Variants in CFAP20DC observed in about 807,000 individuals in gnomAD.
The protein encoded by CFAP20DC is protein CFAP20DC.
In CFAP20DC, 84 loss-of-function variants were observed where a neutral mutation model predicts 101.7. The observed-to-expected ratio is 0.83, with a 90% CI of 0.69 to 0.99. The LOEUF is 0.99. Among genes scored for constraint, CFAP20DC ranks in the 50% least tolerant of loss-of-function variants. CFAP20DC has a pLI of 0.00. For missense variants in CFAP20DC, 1,007 were observed against 970.3 expected (o/e 1.04, Z -0.50); for synonymous variants, 359 against 351.2 (o/e 1.02, Z -0.25).
At chr3:58,771,866 C>A (rs939079466) in intron 15 of CFAP20DC, among the ~76,000 whole-genome samples, 1 of 152,184 alleles carries the variant, frequency 6.6e-6, no homozygotes, top group Non-Finnish European at 1.5e-5. Flanking sequence ...TATCTCTCAT[C>A]GTTATAATGG....
At chr3:59,023,916 G>A (rs6787445) in intron 4 of CFAP20DC, among the ~76,000 whole-genome samples, 148,643 of 152,150 alleles carry the variant, frequency 0.98, 72,690 homozygotes, top group East Asian at 1. Context: ...CTCTATTTAC[G>A]TAAAACATAT....
Position 58,742,289 on chromosome 3 carries a change from G to C in CFAP20DC, c.*171C>G. On this transcript the variant is annotated 3_prime_UTR_variant, in exon 17 of 17. Transcript: ENST00000482387. ...TCAAAATCATACTCATCTACAAAAG[G>C]AATATAGGTATTCTTAACGTTGAAC... 1 of 1,207,382 alleles carries C rather than the reference G, an allele frequency of 8.3e-7. No homozygotes were observed. The highest frequency in any genetic ancestry group is 1.0e-6 in the Non-Finnish European group (1 of 967,642). The allele number at this position is 1,207,382 out of a possible 1,614,324, so 74.8% of individuals were successfully genotyped here.
chr3:59,040,594 C>G (rs1235923754), intron 3 of CFAP20DC, among the ~76,000 whole-genome samples: 1 of 150,928 alleles, frequency 6.6e-6, no homozygotes, highest in Non-Finnish European at 1.5e-5. Flanking sequence ...GGATTAAAGA[C>G]AAAAAAAAGG....
At chr3:58,944,244 G>A (rs1459363049) in intron 4 of CFAP20DC, among the ~76,000 whole-genome samples, 1 of 152,086 alleles carries the variant, frequency 6.6e-6, no homozygotes, top group Middle Eastern at 3.2e-3. Flanking sequence ...GATACTCCTC[G>A]AGAAGAGCAA....
intron 4 of CFAP20DC, among the ~76,000 whole-genome samples, chr3:58,965,131 C>A (rs2091435248): frequency 1.3e-5 from 2 of 152,166 alleles, no homozygotes; most frequent in Non-Finnish European, 2.9e-5. Context: ...CTGCAACAAC[C>A]ATCCAGCGAG....
intron 15 of CFAP20DC, among the ~76,000 whole-genome samples, chr3:58,767,134 T>C (rs1489709823): frequency 1.3e-5 from 2 of 152,144 alleles, no homozygotes; most frequent in African/African-American, 4.8e-5. Flanking sequence ...ACTATTGAAA[T>C]AGTGTCTTTC....
chr3:58,960,805 T>C (rs1160425461), intron 4 of CFAP20DC, among the ~76,000 whole-genome samples: 2 of 152,182 alleles, frequency 1.3e-5, no homozygotes, highest in Non-Finnish European at 2.9e-5. Flanking sequence ...TAGAATACAA[T>C]GGTAAATATA....
intron 12 of CFAP20DC, among the ~76,000 whole-genome samples, chr3:58,851,787 C>G (rs1164501681): frequency 6.6e-6 from 1 of 151,402 alleles, no homozygotes; most frequent in Non-Finnish European, 1.5e-5. Context: ...GATTATAAAA[C>G]AAAAAGGAGT....
chr3:58,878,809 A>G (rs2080984025), intron 7 of CFAP20DC, among the ~76,000 whole-genome samples: 1 of 152,144 alleles, frequency 6.6e-6, no homozygotes, highest in Non-Finnish European at 1.5e-5. Context: ...CAGGAGATCG[A>G]GACCATCCTG....
At chr3:58,756,210 C>T (rs1331518196) in intron 15 of CFAP20DC, among the ~76,000 whole-genome samples, 3 of 152,166 alleles carry the variant, frequency 2.0e-5, no homozygotes, top group Non-Finnish European at 2.9e-5. Context: ...TTCTTCTTTC[C>T]GTATTTGTAA....
intron 15 of CFAP20DC, among the ~76,000 whole-genome samples, chr3:58,785,092 T>C (rs2072203622): frequency 6.6e-6 from 1 of 152,142 alleles, no homozygotes; most frequent in Admixed American, 6.6e-5. Flanking sequence ...TATACTATTG[T>C]TCTCTTTTAT....
intron 1 of CFAP20DC, among the ~76,000 whole-genome samples, chr3:59,048,447 A>T (rs1276370087): frequency 6.6e-6 from 1 of 152,198 alleles, no homozygotes; most frequent in African/African-American, 2.4e-5. Context: ...TTTAAATTTG[A>T]GACAGCTAGT....
rs927303541 is a variant in CFAP20DC, at chr3:58,882,003, C to T, written c.715+2542G>A. Among the ~76,000 whole-genome samples, 2 of 152,040 alleles carry T rather than the reference C, an allele frequency of 1.3e-5. No homozygotes were observed. The highest frequency in any genetic ancestry group is 4.8e-5 in the African/African-American group (2 of 41,420). ...TTGAAAAGTATTTACAGAAAGAGAA[C>T]CACAAAGTGCAATTTATGTTTGTGT... On this transcript the variant is annotated intron_variant, in intron 7 of 16. Coordinates refer to ENST00000482387, the MANE Select transcript of CFAP20DC (RefSeq NM_001394063.1). This position sits in a 1 kb window ranked among gnomAD's most constrained non-coding sequence, Gnocchi z 4.2.
intron 16 of CFAP20DC, among the ~76,000 whole-genome samples, chr3:58,745,305 A>G (rs531295064): frequency 2.7e-4 from 41 of 152,334 alleles, no homozygotes; most frequent in African/African-American, 9.9e-4. Context: ...TAGTTTATCA[A>G]TTAGTATCTG....
chr3:58,729,256 T>A lies in CFAP20DC; in HGVS notation c.198-11628A>T, dbSNP rs2067600623. The stretch of plus-strand genomic sequence containing the variant: ...AACTAATATAATATTTTAATTCGTA[T>A]CAATAAATGTTTCATAATTTTGTGC... On this transcript the variant is annotated intron_variant, in intron 3 of 3. Transcript: ENST00000486145. This position sits in a 1 kb window ranked among gnomAD's most constrained non-coding sequence, Gnocchi z 4.4. 6.6e-6 allele frequency among the ~76,000 whole-genome samples: 1 copy of A among 152,252 alleles called. No homozygotes were observed. Among genetic ancestry groups the A allele is most frequent in the Admixed American group, 6.5e-5 (1 of 15,292 alleles).
intron 7 of CFAP20DC, among the ~76,000 whole-genome samples, chr3:58,871,081 C>T (rs1038220387): frequency 2.6e-5 from 4 of 152,124 alleles, no homozygotes; most frequent in Non-Finnish European, 4.4e-5. Context: ...AATGGAGAGG[C>T]GGATAAGACC....
chr3:58,863,332 GT>G lies in CFAP20DC; in HGVS notation c.1593+225del. Reference sequence around the variant, plus strand: ...AAAAACAGAAAGAAACCCAAAACTGGTTTCTATAAGTAAAAGTGAAATTGGC... The same window carrying G: ...AAAAACAGAAAGAAACCCAAAACTGGTTCTATAAGTAAAAGTGAAATTGGC... On this transcript the variant is annotated intron_variant, in intron 12 of 16. Transcript: ENST00000482387. The surrounding 1 kb of genome is among the most constrained non-coding windows in gnomAD (Gnocchi z 5.9). 1 of 1,408,200 alleles carries G rather than the reference GT, an allele frequency of 7.1e-7. No individual in the cohort carries two copies. The highest frequency in any genetic ancestry group is 9.2e-7 in the Non-Finnish European group (1 of 1,088,944). The allele number at this position is 1,408,200 out of a possible 1,614,324, so 87.2% of individuals were successfully genotyped here.
At chr3:58,836,563 T>C (rs1326719902) in intron 13 of CFAP20DC, among the ~76,000 whole-genome samples, 1 of 152,120 alleles carries the variant, frequency 6.6e-6, no homozygotes, top group Non-Finnish European at 1.5e-5. Flanking sequence ...AATCTCATTC[T>C]GTTCTTCATG....
At position 58,863,861 on chromosome 3, in the gene CFAP20DC, G is replaced by A. The variant is rs747656672; in HGVS notation, c.1290C>T (p.His430=). 3.7e-6 allele frequency: 6 copies of A among 1,613,424 alleles called. No individual in the cohort carries two copies. Among genetic ancestry groups the A allele is most frequent in the Non-Finnish European group, 5.1e-6 (6 of 1,179,584 alleles). The change falls in exon 12 of 17, where the codon CAC becomes CAT. Residue 430 remains histidine (H), a synonymous_variant. Coordinates refer to ENST00000482387, the MANE Select transcript of CFAP20DC (RefSeq NM_001394063.1). This position sits in a 1 kb window ranked among gnomAD's most constrained non-coding sequence, Gnocchi z 5.9. ...DEWIFPENAD[H]ISYLASSRQS... is the part of the protein sequence containing the mutation. ...GTCTGCTGGATGCCAGATATGAAAT[G>A]TGATCAGCATTTTCAGGAAAAATCC...
Sources: gnomAD v4.1 joint callset for allele counts (sites outside exome capture counted in the v4.1 genomes callset) on GRCh38, gnomAD v4.1.1 for gene constraint, Gnocchi (gnomAD v3.1) non-coding constraint, MANE v1.5 for transcripts, NCBI Gene and HGNC (gene_info 2026-07-23, HGNC 2026-07-21) for gene names.